The following TMIGD2 variants were observed in gnomAD, a reference collection of about 807,000 sequenced individuals.
TMIGD2 encodes transmembrane and immunoglobulin domain containing 2, also known as transmembrane and immunoglobulin domain-containing protein 2.
A neutral mutation model predicts 22.6 loss-of-function variants in TMIGD2; 18 were observed. The observed-to-expected ratio is 0.80, with a 90% CI of 0.55 to 1.18. The LOEUF (loss-of-function observed/expected upper bound fraction) is 1.18. Among genes scored for constraint, TMIGD2 ranks in the 50% most tolerant of loss-of-function variants. The pLI is 0.00. For synonymous variants in TMIGD2, 184 were observed against 154.1 expected (o/e 1.19, Z -1.44); for missense variants, 361 against 378.2 (o/e 0.95, Z 0.38).
At chr19:4,299,684 C>T (rs902468509) in intron 1 of TMIGD2, among the ~76,000 whole-genome samples, 4 of 151,708 alleles carry the variant, frequency 2.6e-5, no homozygotes, top group South Asian at 4.2e-4. Context: ...GTCAGGAGTT[C>T]GAGACCCGTC....
At chr19:4,292,735 G>A (rs144046862) in exon 5 of TMIGD2, 41 of 1,610,058 alleles carry the variant, frequency 2.5e-5, no homozygotes, top group Admixed American at 3.4e-5. Flanking sequence ...GCAGGGTCTT[G>A]ACGCCAGGTG....
At position 4,296,827 on chromosome 19, in the gene TMIGD2, G is replaced by A. The variant is rs147406329; in HGVS notation, c.406+1159C>T. On this transcript the variant is annotated intron_variant, in intron 2 of 4. Transcript: ENST00000301272. The stretch of plus-strand genomic sequence containing the variant: ...CTGGACAGAGGCCCGGGGCCCACAG[G>A]CACCTCTCACAGAGCAGGAGGCAAA... 4.8e-3 allele frequency among the ~76,000 whole-genome samples: 738 copies of A among 152,314 alleles called. 10 individuals are homozygous for A. Among genetic ancestry groups the A allele is most frequent in the African/African-American group, 0.017 (705 of 41,570 alleles).
intron 2 of TMIGD2, 150 bp downstream of exon 2, chr19:4,297,836 G>A (rs112566570): frequency 0.036 from 40,738 of 1,146,746 alleles, 917 homozygotes; most frequent in Non-Finnish European, 0.04. Flanking sequence ...AGGCCTGGAC[G>A]ACAGAGCAAG....
chr19:4,298,433 G>A (rs1971493336), intron 1 of TMIGD2, 88 bp from the exon 2 acceptor site: 3 of 1,462,128 alleles, frequency 2.1e-6, no homozygotes, highest in Admixed American at 5.1e-5. Flanking sequence ...CCGCAGTCTG[G>A]GTTTGAAACC....
intron 1 of TMIGD2, among the ~76,000 whole-genome samples, chr19:4,299,423 A>G (rs1299298720): frequency 2.0e-5 from 3 of 150,832 alleles, no homozygotes; most frequent in Non-Finnish European, 4.4e-5. Flanking sequence ...CTGGGATTGT[A>G]GATGTGAGCC....
chr19:4,298,185 C>T (rs368016009), exon 2 of TMIGD2: 22 of 1,613,350 alleles, frequency 1.4e-5, no homozygotes, highest in East Asian at 1.3e-4. Context: ...TGGTGATGTA[C>T]GGTTGACACA....
At chr19:4,292,567 G>T in exon 5 of TMIGD2, 1 of 1,592,504 alleles carries the variant, frequency 6.3e-7, no homozygotes, top group Non-Finnish European at 8.6e-7. Flanking sequence ...TGTACCTATG[G>T]GTGGGGTCCT....
intron 1 of TMIGD2, among the ~76,000 whole-genome samples, chr19:4,299,115 G>C (rs974272174): frequency 2.0e-5 from 3 of 152,096 alleles, no homozygotes; most frequent in Non-Finnish European, 4.4e-5. Flanking sequence ...AGAGTAATCA[G>C]GGAAGGCCTC....
intron 2 of TMIGD2, among the ~76,000 whole-genome samples, chr19:4,295,270 A>AAAAAAAAAAAAG (rs1971447350): frequency 6.7e-6 from 1 of 149,324 alleles, no homozygotes; most frequent in Non-Finnish European, 1.5e-5. Context: ...CAAAAAAAAA[A>AAAAAAAAAAAAG]AAAAAGAAGG....
chr19:4,298,033 T>C (rs1971484563), exon 2 of TMIGD2: 2 of 1,612,120 alleles, frequency 1.2e-6, no homozygotes, highest in Non-Finnish European at 1.7e-6. Context: ...CTCCTCCAAC[T>C]CAGGAATCTC....
At chr19:4,300,488 C>G (rs1224887395) in intron 1 of TMIGD2, among the ~76,000 whole-genome samples, 7 of 146,648 alleles carry the variant, frequency 4.8e-5, no homozygotes, top group Non-Finnish European at 1.1e-4. Context: ...ACCCGGGAGG[C>G]GGAGGTTGCA....
rs189545726 is a variant in TMIGD2 at position 4,301,908 on chromosome 19, G to A, written c.46+432C>T. 5.3e-4 allele frequency among the ~76,000 whole-genome samples: 80 copies of A among 152,264 alleles called. 1 individual carries two copies. The highest frequency in any genetic ancestry group is 2.2e-4 in the Non-Finnish European group (15 of 68,028). On this transcript the variant is annotated intron_variant, in intron 1 of 4. Transcript: ENST00000301272. ...AGACCCCCGGAGAAGTTGAGGTTAT[G>A]TGAAGTTCCTGGCATTTGAGATGCA...
At chr19:4,302,364 G>A (rs777947398) in exon 1 of TMIGD2, 12 of 1,573,296 alleles carry the variant, frequency 7.6e-6, no homozygotes, top group South Asian at 1.2e-5. Context: ...AGGAGGCCCA[G>A]CACCATGCCC....
intron 4 of TMIGD2, among the ~76,000 whole-genome samples, 178 bp downstream of exon 4, chr19:4,294,401 C>G (rs574239801): frequency 5.3e-5 from 8 of 152,252 alleles, no homozygotes; most frequent in African/African-American, 1.9e-4. Context: ...GTTGCACAGG[C>G]TAGGGGCTTT....
intron 3 of TMIGD2, 45 bp downstream of exon 3, chr19:4,294,730 A>T: frequency 6.4e-7 from 1 of 1,571,386 alleles, no homozygotes. Flanking sequence ...AGGGGTGGTG[A>T]TGCGGGTGGA....
At chr19:4,298,583 T>C (rs541482139) in intron 1 of TMIGD2, among the ~76,000 whole-genome samples, 1 of 152,032 alleles carries the variant, frequency 6.6e-6, no homozygotes, top group Non-Finnish European at 1.5e-5. Flanking sequence ...AATAAATATT[T>C]AAAAAGTAGC....
At chr19:4,293,354 A>G (rs1186699533) in intron 4 of TMIGD2, among the ~76,000 whole-genome samples, 2 of 139,534 alleles carry the variant, frequency 1.4e-5, no homozygotes, top group African/African-American at 2.8e-5. Flanking sequence ...TCCACCTCCC[A>G]GGTTCAAGTG....
At chr19:4,297,185 A>G (rs1401132105) in intron 2 of TMIGD2, among the ~76,000 whole-genome samples, 4 of 139,504 alleles carry the variant, frequency 2.9e-5, no homozygotes, top group Non-Finnish European at 6.0e-5. Context: ...CTCCTGCCTC[A>G]GCCTCCTGAG....
chr19:4,298,600 T>G (rs933996876), intron 1 of TMIGD2, among the ~76,000 whole-genome samples: 3 of 152,114 alleles, frequency 2.0e-5, no homozygotes, highest in African/African-American at 7.2e-5. Flanking sequence ...TAGCTGGGTA[T>G]GGTGGCGTGC....
Sources: allele counts gnomAD v4.1 joint callset (sites outside exome capture counted in the v4.1 genomes callset), GRCh38; gene constraint gnomAD v4.1.1; transcripts MANE v1.5; gene names NCBI Gene and HGNC (gene_info 2026-07-23, HGNC 2026-07-21).